Variants in CHRFAM7A observed in about 807,000 individuals in gnomAD.
CHRFAM7A encodes the protein CHRNA7-FAM7A fusion protein.
Under a neutral mutation model 29.2 loss-of-function variants are expected in CHRFAM7A, and 3 were observed. The observed-to-expected ratio is 0.10, with a 90% CI of 0.05 to 0.27. The LOEUF (loss-of-function observed/expected upper bound fraction) is 0.27, where lower values mean the gene tolerates loss of function less well. CHRFAM7A is among the 10% of genes least tolerant of loss of function. The pLI is 1.00. For synonymous variants in CHRFAM7A, 7 were observed against 135.4 expected (o/e 0.05, Z 6.58); for missense variants, 22 against 328.0 (o/e 0.07, Z 7.21).
intron 7 of CHRFAM7A, among the ~76,000 whole-genome samples, chr15:30,371,574 C>T (rs1331138414): frequency 3.3e-5 from 5 of 150,006 alleles, no homozygotes; most frequent in Non-Finnish European, 7.4e-5. Context: ...ACTCAGCTAG[C>T]TATGTGACCT....
At chr15:30,375,860 TTG>T (rs1268004967) in intron 5 of CHRFAM7A, among the ~76,000 whole-genome samples, 2 of 93,802 alleles carry the variant, frequency 2.1e-5, no homozygotes, top group African/African-American at 7.5e-5. Flanking sequence ...ATGTGAGTGG[TTG>T]TGTGAGTGGT....
intron 8 of CHRFAM7A, 135 bp downstream of exon 8, chr15:30,370,963 C>A (rs1347429525): frequency 2.0e-6 from 3 of 1,497,338 alleles, no homozygotes; most frequent in Admixed American, 1.7e-5. Context: ...TGAATAGTTA[C>A]AGCAAATCAT....
At chr15:30,375,639 GAGTGGTGTGTA>G (rs1238678957) in intron 5 of CHRFAM7A, among the ~76,000 whole-genome samples, 185 of 147,956 alleles carry the variant, frequency 1.3e-3, no homozygotes, top group African/African-American at 4.4e-3. Flanking sequence ...TGGTGTGTGA[GAGTGGTGTGTA>G]AGTGGTGTGT....
intron 5 of CHRFAM7A, among the ~76,000 whole-genome samples, chr15:30,374,479 C>G (rs1456458012): frequency 7.3e-6 from 1 of 137,102 alleles, no homozygotes; most frequent in African/African-American, 2.8e-5. Context: ...CCCCAAAACC[C>G]ACCTTGTCTG....
chr15:30,370,922 C>G (rs1408142807), intron 8 of CHRFAM7A, among the ~76,000 whole-genome samples, 176 bp downstream of exon 8: 4 of 151,722 alleles, frequency 2.6e-5, no homozygotes, highest in African/African-American at 9.7e-5. Flanking sequence ...AGCTGAATAT[C>G]CCCTTCCCCT....
intron 1 of CHRFAM7A, among the ~76,000 whole-genome samples, chr15:30,387,501 ATTTTTTTTT>A (rs1157974074): frequency 4.8e-5 from 1 of 20,950 alleles, no homozygotes; most frequent in Non-Finnish European, 1.0e-4. Flanking sequence ...TGCCCAGCTA[ATTTTTTTTT>A]TTTTTTTTTT....
At chr15:30,371,510 C>T (rs1411860744) in intron 7 of CHRFAM7A, among the ~76,000 whole-genome samples, 3 of 149,400 alleles carry the variant, frequency 2.0e-5, no homozygotes, top group African/African-American at 5.0e-5. Context: ...TTTCACGTAG[C>T]AGGAAAAAGA....
chr15:30,374,556 A>T lies in CHRFAM7A; in HGVS notation c.161-1411T>A, dbSNP rs1409195271. ...TACGAAATAATGGCCCGAGACAGAG[A>T]ATTTCTAGAGACAGAAAGCAGATCA... On this transcript the variant is annotated intron_variant, in intron 5 of 9. Coordinates refer to ENST00000299847, the MANE Select transcript of CHRFAM7A (RefSeq NM_139320.2). 2.7e-5 allele frequency among the ~76,000 whole-genome samples: 4 copies of T among 146,270 alleles called. 1 individual carries two copies. Among genetic ancestry groups the T allele is most frequent in the Non-Finnish European group, 6.0e-5 (4 of 66,696 alleles).
intron 4 of CHRFAM7A, among the ~76,000 whole-genome samples, chr15:30,377,573 A>G (rs1290816834): frequency 3.7e-5 from 2 of 54,658 alleles, no homozygotes; most frequent in Admixed American, 2.7e-4. Context: ...CTTCACATAT[A>G]TATCTTTTTT....
rs1169504703 is a variant in CHRFAM7A at position 30,382,359 on chromosome 15, T to TA, written c.33+959dup. Among the ~76,000 whole-genome samples the TA allele has an allele frequency of 3.5e-5, 4 of 114,548 alleles. 2 individuals carry two copies. Among genetic ancestry groups the TA allele is most frequent in the African/African-American group, 6.9e-5 (2 of 28,784 alleles). 75.1% of individuals were successfully genotyped at this position (114,548 alleles called of 152,430 possible). A position where few individuals can be genotyped will look rare whatever the true frequency, so the allele number is the denominator to read the frequency against. ...TGAAATTCCTACCTCCTAATCCCTA[T>TA]AAAAAAAGGGCAAAATCTAGGAAAT... On this transcript the variant is annotated intron_variant, in intron 3 of 9. Transcript: ENST00000299847.
At chr15:30,375,652 G>C (rs2058918652) in intron 5 of CHRFAM7A, among the ~76,000 whole-genome samples, 1 of 149,076 alleles carries the variant, frequency 6.7e-6, no homozygotes, top group Non-Finnish European at 1.5e-5. Flanking sequence ...TGGTGTGTAA[G>C]TGGTGTGTGT....
At position 30,362,222 on chromosome 15, in the gene CHRFAM7A, ACCCCC is replaced by A; in HGVS notation, c.*66_*70del. The A allele has an allele frequency of 1.2e-5, 1 of 83,300 alleles. No individual in the cohort carries two copies. The highest frequency in any genetic ancestry group is 3.5e-4 in the African/African-American group (1 of 2,886). 5.2% of individuals were successfully genotyped at this position (83,300 alleles called of 1,614,324 possible). A position where few individuals can be genotyped will look rare whatever the true frequency, so the allele number is the denominator to read the frequency against. ...GCGTGTAATGCTGTCCTGGATTAGCACCCCCAAATCTCGCCAAGCCAAAGGCCTTG... is the reference window on the plus strand; with the variant it reads ...GCGTGTAATGCTGTCCTGGATTAGCAAAATCTCGCCAAGCCAAAGGCCTTG... On this transcript the variant is annotated 3_prime_UTR_variant, in exon 10 of 10. Coordinates refer to ENST00000299847, the MANE Select transcript of CHRFAM7A (RefSeq NM_139320.2).
intron 8 of CHRFAM7A, among the ~76,000 whole-genome samples, chr15:30,369,335 CT>C (rs1342461964): frequency 8.7e-5 from 13 of 149,428 alleles, no homozygotes; most frequent in Admixed American, 6.7e-4. Context: ...AAAATAGGAA[CT>C]TCTTCCTTGC....
rs1002165289 is a variant in CHRFAM7A at position 30,374,552 on chromosome 15, A to T, written c.161-1407T>A. Among the ~76,000 whole-genome samples, 9 of 146,338 alleles carry T rather than the reference A, an allele frequency of 6.2e-5. 1 individual carries two copies. The highest frequency in any genetic ancestry group is 9.0e-5 in the Non-Finnish European group (6 of 66,714). ...TTTCTACGAAATAATGGCCCGAGACAGAGAATTTCTAGAGACAGAAAGCAG... is the reference window on the plus strand; with the variant it reads ...TTTCTACGAAATAATGGCCCGAGACTGAGAATTTCTAGAGACAGAAAGCAG... On this transcript the variant is annotated intron_variant, in intron 5 of 9. Transcript: ENST00000299847.
chr15:30,375,610 CGT>C (rs1244660046), intron 5 of CHRFAM7A, among the ~76,000 whole-genome samples: 4 of 146,824 alleles, frequency 2.7e-5, no homozygotes, highest in African/African-American at 7.6e-5. Flanking sequence ...GGTTGTGAGT[CGT>C]GTGTGAGTGG....
At position 30,377,841 on chromosome 15, in the gene CHRFAM7A, T is replaced by G. The variant is rs1209342229; in HGVS notation, c.81-732A>C. Among the ~76,000 whole-genome samples, 2 of 144,260 alleles carry G rather than the reference T, an allele frequency of 1.4e-5. 1 individual carries two copies. The highest frequency in any genetic ancestry group is 5.3e-5 in the African/African-American group (2 of 37,782). 94.6% of individuals were successfully genotyped at this position (144,260 alleles called of 152,430 possible). A position where few individuals can be genotyped will look rare whatever the true frequency, so the allele number is the denominator to read the frequency against. On this transcript the variant is annotated intron_variant, in intron 4 of 9. Coordinates refer to ENST00000299847, the MANE Select transcript of CHRFAM7A (RefSeq NM_139320.2). ...ATAAAAATAGCTAAAATGGAACATT[T>G]TAAATTATGTGTAATTTACAAGTAA...
At chr15:30,373,735 C>T (rs1452311294) in intron 5 of CHRFAM7A, among the ~76,000 whole-genome samples, 19 of 105,134 alleles carry the variant, frequency 1.8e-4, no homozygotes, top group African/African-American at 6.1e-4. Context: ...AAGACATTGA[C>T]GTGGGAGGGT....
chr15:30,384,012 A>ATCAGAGAAG (rs1225433158), intron 2 of CHRFAM7A, among the ~76,000 whole-genome samples: 2 of 46,180 alleles, frequency 4.3e-5, no homozygotes, highest in African/African-American at 9.1e-5. Flanking sequence ...TTATGATTAT[A>ATCAGAGAAG]TCAGAGAAGA....
chr15:30,369,410 C>T (rs2140874457), intron 8 of CHRFAM7A, among the ~76,000 whole-genome samples: 1 of 137,356 alleles, frequency 7.3e-6, no homozygotes, highest in East Asian at 2.3e-4. Flanking sequence ...AGGGGGCATT[C>T]TTTAGTGGGC....
Sources: allele counts gnomAD v4.1 joint callset (sites outside exome capture counted in the v4.1 genomes callset), GRCh38; gene constraint gnomAD v4.1.1; transcripts MANE v1.5; gene names NCBI Gene and HGNC (gene_info 2026-07-23, HGNC 2026-07-21).